SBK1: variants seen among roughly 807,000 people sequenced by gnomAD.
The protein encoded by SBK1 is SH3 domain binding kinase 1, also known as serine/threonine-protein kinase SBK1.
A neutral mutation model predicts 24.4 loss-of-function variants in SBK1; 11 were observed. That is an observed-to-expected ratio of 0.45 (90% confidence interval 0.28 to 0.75). The LOEUF (loss-of-function observed/expected upper bound fraction) is 0.75. SBK1 is among the 30% of genes least tolerant of loss of function. The pLI is 0.12. For missense variants in SBK1, 467 were observed against 620.5 expected, an observed-to-expected ratio of 0.75 and a Z score of 2.63; for synonymous variants, 308 against 284.4, an observed-to-expected ratio of 1.08 and a Z score of -0.83.
intron 1 of SBK1, among the ~76,000 whole-genome samples, chr16:28,306,144 A>G (rs1489565927): frequency 6.6e-6 from 1 of 152,082 alleles, no homozygotes; most frequent in Non-Finnish European, 1.5e-5. Context: ...ATCTAGCCCC[A>G]GGACTGTTGC....
chr16:28,274,282 T>G (rs2044483759), intron 1 of SBK1, among the ~76,000 whole-genome samples: 2 of 152,174 alleles, frequency 1.3e-5, no homozygotes, highest in Admixed American at 1.3e-4. Flanking sequence ...ATACAAGATG[T>G]TAATGGTAGG....
chr16:28,296,092 A>AT (rs35049604), intron 1 of SBK1, among the ~76,000 whole-genome samples: 12,762 of 121,170 alleles, frequency 0.11, 987 homozygotes, highest in African/African-American at 0.18. Flanking sequence ...CATCCAGCTA[A>AT]TTTTTTTTTT....
At position 28,280,242 on chromosome 16, in the gene SBK1, CGTATATATCT is replaced by C. The variant is rs1301618320; in HGVS notation, c.257+20749_257+20758del. ...ACGCATATACATATATACATATATA[CGTATATATCT>C]GTATATATACGTATATATGTACATA... On this transcript the variant is annotated intron_variant, in intron 1 of 3. Transcript: ENST00000671413. Among the ~76,000 whole-genome samples the C allele has an allele frequency of 2.0e-3, 242 of 123,572 alleles. 1 individual carries two copies. The highest frequency in any genetic ancestry group is 0.014 in the Middle Eastern group (3 of 214). 81.1% of individuals were successfully genotyped at this position (123,572 alleles called of 152,430 possible). A position where few individuals can be genotyped will look rare whatever the true frequency, so the allele number is the denominator to read the frequency against.
rs1187302555 is a variant in SBK1 at position 28,322,919 on chromosome 16, GCTCTCTCTCTCCCTCTCTCTCTCT to G, written c.*2010_*2033del. 0.031 allele frequency: 1,797 copies of G among 58,122 alleles called. 63 individuals are homozygous for G. The highest frequency in any genetic ancestry group is 0.043 in the Non-Finnish European group (1,109 of 25,728). The allele number at this position is 58,122 out of a possible 1,614,324, so 3.6% of individuals were successfully genotyped here. On this transcript the variant is annotated 3_prime_UTR_variant, in exon 4 of 4. Coordinates refer to ENST00000341901, the MANE Select transcript of SBK1 (RefSeq NM_001024401.3). Reference sequence around the variant, plus strand: ...CGTGCTCGCTCTCTCTCTCGCGCGCGCTCTCTCTCTCCCTCTCTCTCTCTCTCTCTCTCTCTCTCTCTCTCTCTC... The same window carrying G: ...CGTGCTCGCTCTCTCTCTCGCGCGCGCTCTCTCTCTCTCTCTCTCTCTCTC...
intron 1 of SBK1, among the ~76,000 whole-genome samples, chr16:28,273,231 T>C (rs1001322706): frequency 2.0e-5 from 3 of 151,764 alleles, no homozygotes; most frequent in African/African-American, 7.3e-5. Context: ...TTTTTTTTTT[T>C]TCTTTTGAGA....
chr16:28,272,145 CT>C (rs2044469337), intron 1 of SBK1, among the ~76,000 whole-genome samples: 1 of 152,216 alleles, frequency 6.6e-6, no homozygotes, highest in Non-Finnish European at 1.5e-5. Flanking sequence ...TCACAGCTCA[CT>C]GCAGCCTCCA....
intron 1 of SBK1, among the ~76,000 whole-genome samples, chr16:28,274,415 C>G (rs750169463): frequency 1.3e-5 from 2 of 152,090 alleles, no homozygotes; most frequent in African/African-American, 2.4e-5. Context: ...TTTGGGATGC[C>G]GAGGAAGGCA....
At position 28,283,121 on chromosome 16, in the gene SBK1, C is replaced by T. The variant is rs190562487; in HGVS notation, c.257+23619C>T. Among the ~76,000 whole-genome samples, 681 of 152,072 alleles carry T rather than the reference C, an allele frequency of 4.5e-3. 6 individuals carry two copies. The highest frequency in any genetic ancestry group is 0.016 in the African/African-American group (651 of 41,474). ...CTAATTTTTGTATTTTTAGTAGAGA[C>T]GGGGTTTCACCATGTTGGCCAGGAT... On this transcript the variant is annotated intron_variant, in intron 1 of 3. Transcript: ENST00000671413.
At chr16:28,315,559 G>T (rs112378727) in intron 1 of SBK1, among the ~76,000 whole-genome samples, 1,887 of 152,126 alleles carry the variant, frequency 0.012, 22 homozygotes, top group Non-Finnish European at 0.021. Context: ...TCAGGAGTTC[G>T]AGACCAGCCT....
At position 28,319,162 on chromosome 16, in the gene SBK1, C is replaced by T; in HGVS notation, c.394C>T (p.Pro132Ser). ...CTACGTCTTTGCCCAGGAGTACGCA[C>T]CTGCTGGGGACCTGTTTGACATCAT... The part of the protein sequence containing the change: ...DCYVFAQEYA[P>S]AGDLFDIIPP... Residue 132 changes from proline to serine, a missense_variant, in exon 3 of 4, where the codon CCT becomes TCT. Transcript: ENST00000341901. The surrounding 1 kb of genome is among the most constrained non-coding windows in gnomAD (Gnocchi z 4.0). The T allele has an allele frequency of 1.9e-6, 3 of 1,614,018 alleles. No homozygotes were observed. Among genetic ancestry groups the T allele is most frequent in the African/African-American group, 1.3e-5 (1 of 75,016 alleles).
intron 1 of SBK1, among the ~76,000 whole-genome samples, chr16:28,305,106 AG>A (rs2044706910): frequency 6.6e-6 from 1 of 152,162 alleles, no homozygotes; most frequent in Non-Finnish European, 1.5e-5. Flanking sequence ...CTGTAAGGCA[AG>A]GGGACCAGAG....
chr16:28,294,117 G>A (rs977477358), intron 1 of SBK1, among the ~76,000 whole-genome samples: 2 of 152,140 alleles, frequency 1.3e-5, no homozygotes, highest in Admixed American at 1.3e-4. Context: ...AGACAACCAA[G>A]GGCCAATTCC....
At chr16:28,300,662 A>G (rs1334924567) in intron 1 of SBK1, among the ~76,000 whole-genome samples, 1 of 152,164 alleles carries the variant, frequency 6.6e-6, no homozygotes, top group Non-Finnish European at 1.5e-5. Flanking sequence ...CTGAACTGTA[A>G]AGGATGTAAG....
intron 1 of SBK1, among the ~76,000 whole-genome samples, chr16:28,261,625 G>T (rs757329750): frequency 6.6e-6 from 1 of 152,094 alleles, no homozygotes; most frequent in Non-Finnish European, 1.5e-5. Context: ...GTGAGACCCT[G>T]TCTCAAAAAA....
intron 1 of SBK1, among the ~76,000 whole-genome samples, chr16:28,296,092 ATTT>A (rs35049604): frequency 1.7e-5 from 2 of 121,200 alleles, no homozygotes. Flanking sequence ...CATCCAGCTA[ATTT>A]TTTTTTTTTT....
chr16:28,304,291 C>T (rs949907920), intron 1 of SBK1, among the ~76,000 whole-genome samples: 1 of 152,184 alleles, frequency 6.6e-6, no homozygotes, highest in Non-Finnish European at 1.5e-5. Flanking sequence ...TGGAACCTCC[C>T]CCAGCCTCGC....
intron 1 of SBK1, among the ~76,000 whole-genome samples, chr16:28,281,627 A>G (rs1183842883): frequency 6.6e-6 from 1 of 152,190 alleles, no homozygotes; most frequent in Non-Finnish European, 1.5e-5. Flanking sequence ...AGTCCCAGCT[A>G]GGGTGCGCAC....
At chr16:28,310,267 A>G (rs1346827465) in intron 1 of SBK1, among the ~76,000 whole-genome samples, 4 of 152,350 alleles carry the variant, frequency 2.6e-5, no homozygotes, top group African/African-American at 9.6e-5. Context: ...CGGCGTGAAC[A>G]GAGGTCAGAG....
At chr16:28,302,665 G>A (rs558051351) in intron 1 of SBK1, among the ~76,000 whole-genome samples, 69 of 152,316 alleles carry the variant, frequency 4.5e-4, no homozygotes, top group Non-Finnish European at 8.8e-4. Context: ...CAACTGGATT[G>A]TACCCGGTAG....
Sources: allele counts gnomAD v4.1 joint callset (sites outside exome capture counted in the v4.1 genomes callset), GRCh38; gene constraint gnomAD v4.1.1; non-coding constraint Gnocchi (gnomAD v3.1); transcripts MANE v1.5; gene names NCBI Gene and HGNC (gene_info 2026-07-23, HGNC 2026-07-21).